PCNX1: variants seen among roughly 807,000 people sequenced by gnomAD.
The protein encoded by PCNX1 is pecanex-like protein 1.
A neutral mutation model predicts 242.2 loss-of-function variants in PCNX1; 78 were observed. That is an observed-to-expected ratio of 0.32 (90% CI 0.27 to 0.39). The LOEUF (loss-of-function observed/expected upper bound fraction) is 0.39, where lower values mean the gene tolerates loss of function less well. Ranked by LOEUF, PCNX1 falls within the 10% of genes least tolerant of loss-of-function variation. PCNX1 has a pLI of 1.00. For synonymous variants in PCNX1, 1,024 were observed against 1,032.9 expected (o/e 0.99, Z 0.17); for missense variants, 2,581 against 2,856.5 (o/e 0.90, Z 2.20).
chr14:71,067,021 T>C (rs2061464246), intron 26 of PCNX1, among the ~76,000 whole-genome samples: 2 of 152,208 alleles, frequency 1.3e-5, no homozygotes, highest in Admixed American at 6.5e-5. Flanking sequence ...CAGTATCTTA[T>C]TGAGGATTTT....
chr14:71,082,305 A>G (rs887165104), intron 28 of PCNX1, among the ~76,000 whole-genome samples: 16 of 152,090 alleles, frequency 1.1e-4, no homozygotes, highest in African/African-American at 3.6e-4. Context: ...GAATAAGTGC[A>G]ATGTGGTGCT....
At chr14:71,038,894 A>T (rs1460036904) in intron 19 of PCNX1, among the ~76,000 whole-genome samples, 1 of 151,202 alleles carries the variant, frequency 6.6e-6, no homozygotes, top group African/African-American at 2.5e-5. Flanking sequence ...ATGCAGCCAT[A>T]AAAAATGATG....
intron 1 of PCNX1, among the ~76,000 whole-genome samples, chr14:70,928,887 C>A (rs2810114): frequency 0.7 from 106,828 of 152,030 alleles, 37,508 homozygotes; most frequent in South Asian, 0.76. Context: ...GTTTTTAAAA[C>A]CGTTACACTT....
chr14:71,099,553 T>G (rs1394845382), intron 30 of PCNX1, among the ~76,000 whole-genome samples: 4 of 152,186 alleles, frequency 2.6e-5, no homozygotes, highest in Non-Finnish European at 5.9e-5. Flanking sequence ...TAATGTATAG[T>G]CTGTGGTTGA....
rs2055616490 is a variant in PCNX1 at position 70,907,643 on chromosome 14, C to T, written c.-208C>T. On this transcript the variant is annotated 5_prime_UTR_variant, in exon 1 of 36. Coordinates refer to ENST00000304743, the MANE Select transcript of PCNX1 (RefSeq NM_014982.3). ...CGTCCTCCGCCCCGCCGCTCGCCGC[C>T]TCCTCCTCTCGGGTCTCCTCCTCCT... 1 of 416,572 alleles carries T rather than the reference C, an allele frequency of 2.4e-6. No homozygotes were observed. Among genetic ancestry groups the T allele is most frequent in the Non-Finnish European group, 3.6e-6 (1 of 275,736 alleles). 25.8% of individuals were successfully genotyped at this position (416,572 alleles called of 1,614,324 possible).
Position 71,013,207 on chromosome 14 carries a change from G to A in PCNX1, c.2996+5G>A. The stretch of plus-strand genomic sequence containing the variant: ...ACTTTTGGCCCTGTTTGATAGGTGA[G>A]ATTATAGTGTGATATTAATGATACG... On this transcript the variant is annotated splice_donor_5th_base_variant and intron_variant, in intron 11 of 35. Transcript: ENST00000304743. The A allele has an allele frequency of 6.3e-7, 1 of 1,585,980 alleles. No homozygotes were observed. The highest frequency in any genetic ancestry group is 8.7e-7 in the Non-Finnish European group (1 of 1,154,248).
intron 18 of PCNX1, among the ~76,000 whole-genome samples, chr14:71,035,471 AGT>A (rs1440679479): frequency 1.3e-5 from 2 of 152,192 alleles, no homozygotes; most frequent in East Asian, 3.9e-4. Context: ...GAAATCTAGA[AGT>A]GTGGCCAGGT....
chr14:70,930,384 G>C (rs983574105), intron 1 of PCNX1, among the ~76,000 whole-genome samples: 1 of 152,130 alleles, frequency 6.6e-6, no homozygotes, highest in African/African-American at 2.4e-5. Flanking sequence ...CTCAATCTCT[G>C]TTGCCGATGA....
rs563307179 is a variant in PCNX1, at chr14:71,108,392, G to A, written c.6302-212G>A. 1.7e-4 allele frequency among the ~76,000 whole-genome samples: 26 copies of A among 152,120 alleles called. No homozygotes were observed. The South Asian group carries it at 5.4e-3, about 32-fold the overall frequency. ...AGAATTTGAACTTTAAAAAACTTTA[G>A]CAAATAAAAAATATATTACAAGAAC... On this transcript the variant is annotated intron_variant, in intron 33 of 35. Transcript: ENST00000304743.
At chr14:70,938,276 G>A (rs1159362529) in intron 1 of PCNX1, among the ~76,000 whole-genome samples, 1 of 152,060 alleles carries the variant, frequency 6.6e-6, no homozygotes, top group Non-Finnish European at 1.5e-5. Context: ...GTTTGTCATA[G>A]ATAGCTCTTA....
chr14:71,049,515 T>C (rs1246699868), intron 22 of PCNX1, among the ~76,000 whole-genome samples: 3 of 152,226 alleles, frequency 2.0e-5, no homozygotes, highest in Admixed American at 6.5e-5. Context: ...TGTTCTTTTC[T>C]TTAATATTAT....
intron 33 of PCNX1, among the ~76,000 whole-genome samples, chr14:71,105,966 CAT>C (rs2062606050): frequency 6.7e-6 from 1 of 149,364 alleles, no homozygotes; most frequent in Admixed American, 6.7e-5. Context: ...TCAACATAAA[CAT>C]TTTAATATAT....
chr14:71,086,353 G>A (rs1162101814), intron 28 of PCNX1, among the ~76,000 whole-genome samples: 1 of 152,192 alleles, frequency 6.6e-6, no homozygotes, highest in African/African-American at 2.4e-5. Context: ...CTATTTTCCT[G>A]CTACTTGCAT....
At chr14:70,966,776 T>C (rs927717796) in intron 3 of PCNX1, among the ~76,000 whole-genome samples, 16 of 152,258 alleles carry the variant, frequency 1.1e-4, no homozygotes, top group African/African-American at 3.6e-4. Context: ...TAAAATGGTG[T>C]TTTTGTTTTC....
At chr14:70,908,111 C>A (rs1310923201) in intron 1 of PCNX1, 108 bp downstream of exon 1, 1 of 1,080,692 alleles carries the variant, frequency 9.3e-7, no homozygotes. Flanking sequence ...CCGGGGGCCG[C>A]CACCCTCTCG....
chr14:71,066,308 C>T (rs1333762492), intron 26 of PCNX1, among the ~76,000 whole-genome samples: 2 of 152,156 alleles, frequency 1.3e-5, no homozygotes, highest in Admixed American at 1.3e-4. Flanking sequence ...GTTTGTAGTT[C>T]TCCTTGAAGA....
chr14:71,053,659 A>C (rs2141206469), intron 24 of PCNX1, among the ~76,000 whole-genome samples: 1 of 152,262 alleles, frequency 6.6e-6, no homozygotes, highest in Middle Eastern at 3.4e-3. Flanking sequence ...AGTTTTAAAA[A>C]TATGGATTTT....
chr14:71,086,728 G>A (rs2062001748), intron 28 of PCNX1, among the ~76,000 whole-genome samples: 1 of 152,172 alleles, frequency 6.6e-6, no homozygotes, highest in African/African-American at 2.4e-5. Context: ...GCTCTCTCTA[G>A]CACTCTGCCC....
rs567066864 is a variant in PCNX1, at chr14:71,089,245, G to A, written c.5492G>A (p.Arg1831His). ...CATGCCCTATTTAAAGGAGATTTCCGTATTTCTTCAATTCGAGATGAATGG... is the reference window on the plus strand; with the variant it reads ...CATGCCCTATTTAAAGGAGATTTCCATATTTCTTCAATTCGAGATGAATGG... ...GLHALFKGDF[R>H]ISSIRDEWIF... is the part of the protein sequence containing the mutation. The change falls in exon 30 of 36, where the codon CGT (arginine) becomes CAT (histidine). Residue 1831 changes from arginine (R) to histidine (H), a missense_variant. Transcript: ENST00000304743. 13 of 1,610,680 alleles carry A rather than the reference G, an allele frequency of 8.1e-6. No individual in the cohort carries two copies. Among genetic ancestry groups the A allele is most frequent in the African/African-American group, 1.3e-5 (1 of 74,954 alleles).
Sources: gnomAD v4.1 joint callset for allele counts (sites outside exome capture counted in the v4.1 genomes callset) on GRCh38, gnomAD v4.1.1 for gene constraint, MANE v1.5 for transcripts, NCBI Gene and HGNC (gene_info 2026-07-23, HGNC 2026-07-21) for gene names.